Variants in SCN1A observed in about 807,000 individuals in gnomAD.
SCN1A encodes sodium voltage-gated channel alpha subunit 1.
A neutral mutation model predicts 193.7 loss-of-function variants in SCN1A; 13 were observed. That is an observed-to-expected ratio of 0.07 (90% confidence interval 0.04 to 0.11). SCN1A has a LOEUF of 0.11. Ranked by LOEUF, SCN1A falls within the 10% of genes least tolerant of loss-of-function variation. SCN1A has a pLI of 1.00. For synonymous variants in SCN1A, 781 were observed against 843.6 expected (o/e 0.93, Z 1.29); for missense variants, 1,432 against 2,451.1 (o/e 0.58, Z 8.78).
Position 166,146,400 on chromosome 2 carries a change from T to C in SCN1A, c.-50+2647A>G, listed in dbSNP as rs57588832. 3.7e-3 allele frequency among the ~76,000 whole-genome samples: 557 copies of C among 152,364 alleles called. 2 individuals are homozygous for C. Among genetic ancestry groups the C allele is most frequent in the African/African-American group, 0.013 (536 of 41,592 alleles). ...GATAAATGATATATTTGTTGTATTA[T>C]TTATTATGATGGAACTTTTCATAGC... On this transcript the variant is annotated intron_variant, in intron 1 of 26. Coordinates refer to the SCN1A transcript ENST00000635750.
chr2:166,050,675 C>T (rs1698456441), intron 9 of SCN1A, among the ~76,000 whole-genome samples: 2 of 105,140 alleles, frequency 1.9e-5, no homozygotes, highest in South Asian at 6.0e-4. Flanking sequence ...GAAGGGGTCT[C>T]ACTATGTTGC....
intron 1 of SCN1A, among the ~76,000 whole-genome samples, chr2:166,144,853 GT>G (rs76856475): frequency 0.66 from 91,687 of 138,474 alleles, 29,992 homozygotes; most frequent in African/African-American, 0.78. Flanking sequence ...AAGGATCATG[GT>G]TTTTTTTTTT....
intron 2 of SCN1A, among the ~76,000 whole-genome samples, chr2:166,081,997 G>C (rs534975447): frequency 6.6e-6 from 1 of 152,136 alleles, no homozygotes; most frequent in Admixed American, 6.6e-5. Flanking sequence ...TAATGTGATA[G>C]TATTTTGTTG....
intron 19 of SCN1A, among the ~76,000 whole-genome samples, chr2:166,023,830 C>T (rs1459585648): frequency 6.6e-6 from 1 of 151,704 alleles, no homozygotes; most frequent in Non-Finnish European, 1.5e-5. Context: ...GGCTGGAGTG[C>T]AATGGCGCAA....
At chr2:166,047,006 C>G (rs941911365) in intron 11 of SCN1A, 30 bp from the exon 12 acceptor site, 1 of 1,609,068 alleles carries the variant, frequency 6.2e-7, no homozygotes, top group East Asian at 2.2e-5. Context: ...AATTATTTCT[C>G]AATATTATTT....
At chr2:166,075,444 C>G (rs1684895803) in intron 3 of SCN1A, 1 of 151,842 alleles carries the variant, frequency 6.6e-6, no homozygotes, top group Non-Finnish European at 1.5e-5. Flanking sequence ...CTGTTTTACA[C>G]CAGCATTTTT....
chr2:166,124,721 A>G lies in SCN1A; in HGVS notation c.-142+2203T>C, dbSNP rs74511599. On this transcript the variant is annotated intron_variant, in intron 2 of 28. Coordinates refer to ENST00000674923, the MANE Select transcript of SCN1A (RefSeq NM_001165963.4). The stretch of plus-strand genomic sequence containing the variant: ...GGCTAAGCTGTAGCTCTACCATCAC[A>G]TGGATGATGAGCAAACATCAAGAAC... 7.8e-3 allele frequency among the ~76,000 whole-genome samples: 1,181 copies of G among 152,244 alleles called. 14 individuals carry two copies. Among genetic ancestry groups the G allele is most frequent in the African/African-American group, 0.027 (1,122 of 41,532 alleles).
chr2:166,031,503 G>C (rs906834444), intron 19 of SCN1A, among the ~76,000 whole-genome samples: 1 of 152,106 alleles, frequency 6.6e-6, no homozygotes, highest in Non-Finnish European at 1.5e-5. Flanking sequence ...ATTTTAAGGA[G>C]CTTACCATAT....
rs371926865 is a variant in SCN1A, at chr2:166,056,509, T to C, written c.384-9A>G. 39 of 1,560,328 alleles carry C rather than the reference T, an allele frequency of 2.5e-5. No individual in the cohort carries two copies. Among genetic ancestry groups the C allele is most frequent in the Non-Finnish European group, 3.2e-5 (36 of 1,131,464 alleles). ...TTAGCATGCTGAATAATGTAGGTTA[T>C]TGTTAAGGAACACACAAAAGAAAAT... On this transcript the variant is annotated splice_polypyrimidine_tract_variant and intron_variant, in intron 5 of 28. Coordinates refer to ENST00000674923, the MANE Select transcript of SCN1A (RefSeq NM_001165963.4).
chr2:166,040,800 G>A (rs1447674564), intron 16 of SCN1A, among the ~76,000 whole-genome samples: 3 of 152,180 alleles, frequency 2.0e-5, no homozygotes, highest in Non-Finnish European at 4.4e-5. Flanking sequence ...GTACTACTTA[G>A]ATCCTGGAAG....
At chr2:166,031,458 T>C (rs543708077) in intron 19 of SCN1A, among the ~76,000 whole-genome samples, 33 of 152,280 alleles carry the variant, frequency 2.2e-4, no homozygotes, top group African/African-American at 7.5e-4. Context: ...TATTTCCTGA[T>C]TGGAATGCCC....
chr2:166,099,581 T>G (rs1276691500), intron 2 of SCN1A, among the ~76,000 whole-genome samples: 3 of 81,918 alleles, frequency 3.7e-5, no homozygotes, highest in Admixed American at 1.5e-4. Flanking sequence ...TGTCCCTGTT[T>G]GCAGACGACA....
In SCN1A at chr2:166,007,734, G is replaced by A. The variant is rs59010534; in HGVS notation, c.4002+1985C>T. On this transcript the variant is annotated intron_variant, in intron 23 of 28. Transcript: ENST00000674923. ...AAGCACATGCTTTGAAAAAATAACA[G>A]AACAACAAAAATAAAATGAGTGCCT... is the stretch of plus-strand genomic sequence containing the variant. Among the ~76,000 whole-genome samples, 5,512 of 151,332 alleles carry A rather than the reference G, an allele frequency of 0.036. 335 individuals carry two copies. The highest frequency in any genetic ancestry group is 0.13 in the African/African-American group (5,243 of 41,402).
At chr2:166,101,798 C>T (rs1191691694) in intron 2 of SCN1A, among the ~76,000 whole-genome samples, 1 of 151,980 alleles carries the variant, frequency 6.6e-6, no homozygotes, top group East Asian at 1.9e-4. Flanking sequence ...AGAAATACCT[C>T]GATTAAGGCC....
intron 4 of SCN1A, among the ~76,000 whole-genome samples, chr2:166,069,179 CACT>C (rs1684156148): frequency 6.6e-6 from 1 of 152,088 alleles, no homozygotes; most frequent in Non-Finnish European, 1.5e-5. Context: ...TTCTAAAGAC[CACT>C]GAGTCAGAGC....
chr2:166,070,300 G>T (rs1203106964), intron 4 of SCN1A, among the ~76,000 whole-genome samples: 1 of 152,156 alleles, frequency 6.6e-6, no homozygotes, highest in African/African-American at 2.4e-5. Flanking sequence ...GCTGTTGAAT[G>T]ACTTACATTT....
At chr2:166,125,817 T>G (rs1691182415) in intron 2 of SCN1A, among the ~76,000 whole-genome samples, 1 of 152,040 alleles carries the variant, frequency 6.6e-6, no homozygotes, top group African/African-American at 2.4e-5. Flanking sequence ...CAATCCCTCC[T>G]GCCATGTCTT....
intron 2 of SCN1A, among the ~76,000 whole-genome samples, chr2:166,102,355 G>A (rs1168624578): frequency 2.0e-5 from 3 of 152,036 alleles, no homozygotes; most frequent in Non-Finnish European, 4.4e-5. Context: ...AATTAGCCGG[G>A]TGTGGTGGTG....
upstream of SCN1A, among the ~76,000 whole-genome samples, chr2:166,130,544 C>T (rs1574635292): frequency 1.3e-5 from 2 of 152,320 alleles, no homozygotes; most frequent in East Asian, 3.9e-4. Context: ...CAAATATTCT[C>T]TCTTCTCCAA....
Sources: gnomAD v4.1 joint callset for allele counts (sites outside exome capture counted in the v4.1 genomes callset) on GRCh38, gnomAD v4.1.1 for gene constraint, MANE v1.5 for transcripts, NCBI Gene and HGNC (gene_info 2026-07-23, HGNC 2026-07-21) for gene names.